SYN3: variants seen among roughly 807,000 people sequenced by gnomAD.
SYN3 encodes synapsin-3.
A neutral mutation model predicts 65.8 loss-of-function variants in SYN3; 35 were observed. The observed-to-expected ratio is 0.53, with a 90% confidence interval of 0.41 to 0.70. The LOEUF (loss-of-function observed/expected upper bound fraction) is 0.70, where lower values mean the gene tolerates loss of function less well. Among genes scored for constraint, SYN3 ranks in the 30% least tolerant of loss-of-function variants. SYN3 has a pLI of 0.00. For missense variants in SYN3, 680 were observed against 749.0 expected (o/e 0.91, Z 1.08); for synonymous variants, 270 against 292.9 (o/e 0.92, Z 0.80).
intron 6 of SYN3, among the ~76,000 whole-genome samples, chr22:32,798,741 G>C (rs1247759509): frequency 8.0e-6 from 1 of 125,604 alleles, no homozygotes; most frequent in Admixed American, 1.0e-4. Context: ...ACCTAGGCTA[G>C]AGTGCAGTGG....
At chr22:32,599,847 T>C (rs2059256706) in intron 6 of SYN3, among the ~76,000 whole-genome samples, 1 of 152,228 alleles carries the variant, frequency 6.6e-6, no homozygotes, top group African/African-American at 2.4e-5. Flanking sequence ...ACAAGATTTC[T>C]GCCCTCAGAG....
intron 6 of SYN3, among the ~76,000 whole-genome samples, chr22:32,634,019 G>A (rs1156937700): frequency 6.6e-6 from 1 of 152,154 alleles, no homozygotes; most frequent in Admixed American, 6.6e-5. Context: ...GACTGCCACT[G>A]GGACAGAGGG....
chr22:32,637,127 G>A (rs2146854177), intron 6 of SYN3, among the ~76,000 whole-genome samples: 1 of 152,292 alleles, frequency 6.6e-6, no homozygotes, highest in South Asian at 2.1e-4. Flanking sequence ...TCCCTGCAGG[G>A]AGGAAGACGG....
chr22:32,575,897 A>C (rs1962221), intron 7 of SYN3, among the ~76,000 whole-genome samples: 22,267 of 152,168 alleles, frequency 0.15, 1,870 homozygotes, highest in East Asian at 0.28. Flanking sequence ...AACAAACAAA[A>C]AAAAACAAAC....
chr22:32,913,200 G>A (rs537621042), intron 4 of SYN3, among the ~76,000 whole-genome samples: 2 of 149,268 alleles, frequency 1.3e-5, no homozygotes, highest in Admixed American at 1.3e-4. Flanking sequence ...TCGCTCTGTC[G>A]CCCAGGCTGG....
At chr22:32,834,338 T>G (rs2047669042) in intron 6 of SYN3, among the ~76,000 whole-genome samples, 1 of 151,710 alleles carries the variant, frequency 6.6e-6, no homozygotes, top group Non-Finnish European at 1.5e-5. Flanking sequence ...TTTTTTTGTA[T>G]TTTTAGTAGA....
At chr22:32,914,517 C>A (rs1167841449) in intron 4 of SYN3, among the ~76,000 whole-genome samples, 1 of 151,258 alleles carries the variant, frequency 6.6e-6, no homozygotes, top group Non-Finnish European at 1.5e-5. Flanking sequence ...GGCTCACTGC[C>A]AGCTCTGCCT....
chr22:32,977,089 T>C (rs980118638), intron 3 of SYN3, among the ~76,000 whole-genome samples: 1 of 152,208 alleles, frequency 6.6e-6, no homozygotes, highest in African/African-American at 2.4e-5. Context: ...GTATGTCTAC[T>C]GGGGAAAAAT....
At chr22:32,917,938 G>C (rs550217794) in intron 4 of SYN3, among the ~76,000 whole-genome samples, 1 of 152,370 alleles carries the variant, frequency 6.6e-6, no homozygotes, top group Admixed American at 6.5e-5. Context: ...GAGGCCCTGG[G>C]TGAAGAGATT....
chr22:32,514,107 A>G (rs1482234225), intron 13 of SYN3, among the ~76,000 whole-genome samples: 2 of 152,230 alleles, frequency 1.3e-5, no homozygotes, highest in East Asian at 3.8e-4. Context: ...CCCAGAGGCC[A>G]CATTCTTTCC....
intron 6 of SYN3, among the ~76,000 whole-genome samples, chr22:32,722,034 G>A (rs2061126522): frequency 6.6e-6 from 1 of 152,200 alleles, no homozygotes; most frequent in African/African-American, 2.4e-5. Flanking sequence ...AGACCAGCAT[G>A]GCAGGAGCAA....
intron 6 of SYN3, among the ~76,000 whole-genome samples, chr22:32,706,756 G>T (rs1876304786): frequency 6.6e-6 from 1 of 152,258 alleles, no homozygotes; most frequent in African/African-American, 2.4e-5. Flanking sequence ...TCCCTGACCA[G>T]TCTCTTTCAT....
intron 6 of SYN3, among the ~76,000 whole-genome samples, chr22:32,723,593 T>C (rs2147300719): frequency 6.6e-6 from 1 of 152,326 alleles, no homozygotes. Flanking sequence ...CAAGCCAGAC[T>C]ATTTTCAGGA....
chr22:32,590,532 C>A (rs899132188), intron 7 of SYN3, among the ~76,000 whole-genome samples: 5 of 152,176 alleles, frequency 3.3e-5, no homozygotes, highest in Non-Finnish European at 7.3e-5. Context: ...GTATTTAGGT[C>A]AGGTATACCT....
chr22:33,039,512 A>G (rs926091388), intron 1 of SYN3, among the ~76,000 whole-genome samples: 2 of 151,694 alleles, frequency 1.3e-5, no homozygotes, highest in Admixed American at 1.3e-4. Flanking sequence ...CTCCTGCCTC[A>G]GCCTCCTGAG....
At chr22:32,517,417 G>C (rs981901625) in intron 13 of SYN3, among the ~76,000 whole-genome samples, 1 of 152,160 alleles carries the variant, frequency 6.6e-6, no homozygotes, top group African/African-American at 2.4e-5. Flanking sequence ...AGGCCTTCTT[G>C]GACCATCCAG....
Position 32,579,693 on chromosome 22 carries a change from G to A in SYN3, c.774+16981C>T, listed in dbSNP as rs1490128719. Among the ~76,000 whole-genome samples, 4 of 152,174 alleles carry A rather than the reference G, an allele frequency of 2.6e-5. No individual in the cohort carries two copies. The East Asian group carries it at 7.7e-4, about 29-fold the overall frequency. ...GAAGATCAGGACTCAGAGCTCAAAG[G>A]TGTCCTTGCCCCAGCCGCTTGGGTC... On this transcript the variant is annotated intron_variant, in intron 7 of 13. Coordinates refer to ENST00000358763, the MANE Select transcript of SYN3 (RefSeq NM_003490.4).
intron 1 of SYN3, among the ~76,000 whole-genome samples, chr22:33,032,272 C>T (rs2053768671): frequency 6.8e-6 from 1 of 146,514 alleles, no homozygotes; most frequent in East Asian, 2.0e-4. Flanking sequence ...CTTAGGGAGG[C>T]TGAAGCAGGT....
intron 4 of SYN3, among the ~76,000 whole-genome samples, chr22:32,873,371 T>C (rs2048901765): frequency 6.6e-6 from 1 of 152,036 alleles, no homozygotes; most frequent in South Asian, 2.1e-4. Flanking sequence ...AAGGGATGAG[T>C]GTGAGCAAGT....
Sources: allele counts gnomAD v4.1 joint callset (sites outside exome capture counted in the v4.1 genomes callset), GRCh38; gene constraint gnomAD v4.1.1; transcripts MANE v1.5; gene names NCBI Gene and HGNC (gene_info 2026-07-23, HGNC 2026-07-21).